Variants in HIPK2 observed in about 807,000 individuals in gnomAD.
HIPK2 encodes the protein homeodomain-interacting protein kinase 2.
In HIPK2, 27 loss-of-function variants were observed where a neutral mutation model predicts 113.7. The ratio of observed to expected loss-of-function variants is 0.24; its 90% CI spans 0.17 to 0.33. HIPK2 has a LOEUF of 0.33. Ranked by LOEUF, HIPK2 falls within the 10% of genes least tolerant of loss-of-function variation. The pLI is 1.00. For missense variants in HIPK2, 1,257 were observed against 1,588.0 expected (o/e 0.79, Z 3.54); for synonymous variants, 631 against 642.2 (o/e 0.98, Z 0.26).
chr7:139,763,379 G>C (rs943407839), intron 1 of HIPK2, among the ~76,000 whole-genome samples: 1 of 152,034 alleles, frequency 6.6e-6, no homozygotes, highest in Non-Finnish European at 1.5e-5. Flanking sequence ...AGACATTATG[G>C]TGGCTTAGGC....
chr7:139,670,476 C>A lies in HIPK2; in HGVS notation c.1104-38751G>T, dbSNP rs117796943. 6.8e-4 allele frequency among the ~76,000 whole-genome samples: 103 copies of A among 151,608 alleles called. 1 individual carries two copies. The East Asian group carries it at 0.017, about 25-fold the overall frequency. ...GGCATGATGGCACACACCTGTAGTCCCAGCTACTCCAGGAGGATTGCTTGA... is the reference window on the plus strand; with the variant it reads ...GGCATGATGGCACACACCTGTAGTCACAGCTACTCCAGGAGGATTGCTTGA... On this transcript the variant is annotated intron_variant, in intron 2 of 14. Transcript: ENST00000406875.
chr7:139,640,414 C>T lies in HIPK2; in HGVS notation c.1104-8689G>A, dbSNP rs1056855976. ...GTAGAGGCTGCAGAAGTCAAGAGGG[C>T]GTGGCCCGCACTTGGGATCCCAGTG... On this transcript the variant is annotated intron_variant, in intron 2 of 14. Transcript: ENST00000406875. Among the ~76,000 whole-genome samples the T allele has an allele frequency of 2.0e-5, 3 of 152,088 alleles. No homozygotes were observed. The East Asian group carries it at 5.8e-4, about 29-fold the overall frequency.
intron 2 of HIPK2, among the ~76,000 whole-genome samples, chr7:139,688,255 C>T (rs1448059301): frequency 6.6e-6 from 1 of 152,224 alleles, no homozygotes. Flanking sequence ...ACTCATTCAT[C>T]GAGATCAAGA....
chr7:139,753,048 C>T, intron 1 of HIPK2, among the ~76,000 whole-genome samples: 1 of 152,198 alleles, frequency 6.6e-6, no homozygotes, highest in East Asian at 1.9e-4. Flanking sequence ...GCCTCTGTCC[C>T]AAGGTTCTCC....
Position 139,583,824 on chromosome 7 carries a change from C to T in HIPK2, c.2958G>A (p.Leu986=). The change falls in exon 13 of 15, where the codon CTG becomes CTA. Residue 986 remains leucine, a synonymous_variant. Coordinates refer to ENST00000406875, the MANE Select transcript of HIPK2 (RefSeq NM_022740.5). ...GTCCTGGCCCCAAATTACCTGGCACCAGGCTATCACACTCCACCAATACTT... is the reference window on the plus strand; with the variant it reads ...GTCCTGGCCCCAAATTACCTGGCACTAGGCTATCACACTCCACCAATACTT... ...ASEVLVECDS[L]VPVNTSHHSS... 6.2e-7 allele frequency: 1 copy of T among 1,610,670 alleles called. No homozygotes were observed. The highest frequency in any genetic ancestry group is 8.5e-7 in the Non-Finnish European group (1 of 1,178,418).
chr7:139,583,955 C>T lies in HIPK2; in HGVS notation c.2827G>A (p.Gly943Arg). The T allele has an allele frequency of 1.2e-6, 2 of 1,614,048 alleles. No individual in the cohort carries two copies. Among genetic ancestry groups the T allele is most frequent in the Non-Finnish European group, 1.7e-6 (2 of 1,179,896 alleles). ...TCAAAGGCATTGGCATTGTTGTGCC[C>T]AGCACGCTGCTGCACGGAGTAGGGG... The part of the protein sequence containing the change: ...TSPYSVQQRA[G>R]HNNANAFDTK... The change falls in exon 13 of 15, where the codon GGG (glycine) becomes AGG (arginine). Residue 943 changes from glycine (G) to arginine (R), a missense_variant. Coordinates refer to ENST00000406875, the MANE Select transcript of HIPK2 (RefSeq NM_022740.5).
intron 1 of HIPK2, among the ~76,000 whole-genome samples, chr7:139,745,269 C>T (rs1796170866): frequency 6.6e-6 from 1 of 152,144 alleles, no homozygotes; most frequent in Non-Finnish European, 1.5e-5. Context: ...CCTAGGAGTG[C>T]TCTGAAAAGT....
At chr7:139,626,366 G>A (rs1569457740) in intron 6 of HIPK2, among the ~76,000 whole-genome samples, 1 of 152,010 alleles carries the variant, frequency 6.6e-6, no homozygotes, top group African/African-American at 2.4e-5. Flanking sequence ...GCCTCCCAAA[G>A]TGCTAGGATT....
At chr7:139,755,580 C>CT (rs1039907729) in intron 1 of HIPK2, among the ~76,000 whole-genome samples, 3 of 152,190 alleles carry the variant, frequency 2.0e-5, no homozygotes, top group Admixed American at 1.3e-4. Context: ...CTGCTTCTTC[C>CT]TTTTTTCTCC....
At chr7:139,641,030 A>G (rs1238547665) in intron 2 of HIPK2, among the ~76,000 whole-genome samples, 1 of 152,142 alleles carries the variant, frequency 6.6e-6, no homozygotes, top group Non-Finnish European at 1.5e-5. Flanking sequence ...GAAAAGATTA[A>G]TATAACCAAC....
chr7:139,700,203 A>G lies in HIPK2; in HGVS notation c.1103+15729T>C. Among the ~76,000 whole-genome samples, 5 of 152,190 alleles carry G rather than the reference A, an allele frequency of 3.3e-5. No homozygotes were observed. In the Middle Eastern group the frequency reaches 0.017, roughly 518 times the overall value. Reference sequence around the variant, plus strand: ...GGTGCCTGAGGCCAGGCCTTTCTAGAGGAGCTGGGGGTTTCCTGCTGTGCA... The same window carrying G: ...GGTGCCTGAGGCCAGGCCTTTCTAGGGGAGCTGGGGGTTTCCTGCTGTGCA... On this transcript the variant is annotated intron_variant, in intron 2 of 14. Transcript: ENST00000406875.
intron 2 of HIPK2, among the ~76,000 whole-genome samples, chr7:139,713,341 C>T (rs747082438): frequency 2.5e-4 from 38 of 152,112 alleles, no homozygotes; most frequent in Non-Finnish European, 4.4e-4. Context: ...TTACTGCTGC[C>T]GCAGGCTTCC....
chr7:139,688,521 T>C (rs1367177445), intron 2 of HIPK2, among the ~76,000 whole-genome samples: 1 of 152,218 alleles, frequency 6.6e-6, no homozygotes, highest in Non-Finnish European at 1.5e-5. Context: ...CAGGAGCTGA[T>C]GGCTGCTGCC....
At chr7:139,767,827 T>C (rs568660550) in intron 1 of HIPK2, among the ~76,000 whole-genome samples, 3 of 152,262 alleles carry the variant, frequency 2.0e-5, no homozygotes, top group Non-Finnish European at 4.4e-5. Context: ...TGTCCCCTTA[T>C]CAGTACTGCC....
chr7:139,683,898 A>G lies in HIPK2; in HGVS notation c.1103+32034T>C, dbSNP rs1169653343. 1.3e-5 allele frequency among the ~76,000 whole-genome samples: 2 copies of G among 152,050 alleles called. No individual in the cohort carries two copies. The highest frequency in any genetic ancestry group is 6.5e-5 in the Admixed American group (1 of 15,278). On this transcript the variant is annotated intron_variant, in intron 2 of 14. Coordinates refer to ENST00000406875, the MANE Select transcript of HIPK2 (RefSeq NM_022740.5). The surrounding 1 kb of genome is among the most constrained non-coding windows in gnomAD (Gnocchi z 4.2). ...TTGGAATTTGGGGAGGGGCATATAT[A>G]TAGAGAGACATACCTCATTATATTG...
Position 139,573,210 on chromosome 7 carries a change from T to C in HIPK2, c.3314A>G (p.Tyr1105Cys). Residue 1105 changes from tyrosine (Y) to cysteine (C), a missense_variant, in exon 15 of 15, where the codon TAC (tyrosine) becomes TGC (cysteine). Tyr to Cys is a radical substitution (Grantham distance 194). Coordinates refer to ENST00000406875, the MANE Select transcript of HIPK2 (RefSeq NM_022740.5). ...GGAGCCCAGGGCCGCCGGCGCAGTG[T>C]AGGTGTAGAGGTGGGGCTGGGTGGG... ...HLPTQPHLYT[Y>C]TAPAALGSTG... 1 of 1,605,928 alleles carries C rather than the reference T, an allele frequency of 6.2e-7. No individual in the cohort carries two copies. Among genetic ancestry groups the C allele is most frequent in the Non-Finnish European group, 8.5e-7 (1 of 1,179,350 alleles).
chr7:139,646,830 AG>A (rs1362264437), intron 2 of HIPK2, among the ~76,000 whole-genome samples: 2 of 151,888 alleles, frequency 1.3e-5, no homozygotes, highest in Non-Finnish European at 1.5e-5. Flanking sequence ...GGGACTCTTG[AG>A]GGAAGTCAGA....
At chr7:139,754,205 G>C (rs547820119) in intron 1 of HIPK2, among the ~76,000 whole-genome samples, 1 of 152,338 alleles carries the variant, frequency 6.6e-6, no homozygotes, top group South Asian at 2.1e-4. Context: ...TGCACCTCAG[G>C]CCTTGCCCTT....
chr7:139,777,805 G>GCGC lies in HIPK2; in HGVS notation c.-185_-183dup, dbSNP rs888666427. The GCGC allele has an allele frequency of 2.0e-4, 78 of 382,178 alleles. No individual in the cohort carries two copies. The highest frequency in any genetic ancestry group is 1.0e-3 in the East Asian group (6 of 5,942). The allele number at this position is 382,178 out of a possible 1,614,324, so 23.7% of individuals were successfully genotyped here. A position where few individuals can be genotyped will look rare whatever the true frequency, so the allele number is the denominator to read the frequency against. ...CCGGCGCCGGGGGAGGGGGCCGGGC[G>GCGC]CGCCGCCGCCGCCGCCGCCGCCGCT... On this transcript the variant is annotated 5_prime_UTR_variant, in exon 1 of 15. Transcript: ENST00000406875.
Sources: gnomAD v4.1 joint callset for allele counts (sites outside exome capture counted in the v4.1 genomes callset) on GRCh38, gnomAD v4.1.1 for gene constraint, Gnocchi (gnomAD v3.1) non-coding constraint, MANE v1.5 for transcripts, NCBI Gene and HGNC (gene_info 2026-07-23, HGNC 2026-07-21) for gene names.